RBL2: variants seen among roughly 807,000 people sequenced by gnomAD.
RBL2 encodes RB transcriptional corepressor like 2.
RBL2 carries 56 observed loss-of-function variants against 126.0 expected under a neutral mutation model. The observed-to-expected ratio is 0.44, with a 90% CI of 0.36 to 0.56. The LOEUF is 0.56. Among genes scored for constraint, RBL2 ranks in the 20% least tolerant of loss-of-function variants. RBL2 has a pLI of 0.00. For synonymous variants in RBL2, 454 were observed against 478.5 expected, an observed-to-expected ratio of 0.95 and a Z score of 0.67; for missense variants, 1,229 against 1,398.2, an observed-to-expected ratio of 0.88 and a Z score of 1.93.
At chr16:53,480,061 T>C (rs1442365793) in intron 19 of RBL2, 70 bp downstream of exon 19, 8 of 961,194 alleles carry the variant, frequency 8.3e-6, no homozygotes, top group Non-Finnish European at 1.3e-5. Context: ...CTTGAAGAAG[T>C]AACTAAGCAT....
chr16:53,465,507 GAAGAACAGAT>G lies in RBL2; in HGVS notation c.1769_1778del (p.Glu590AlafsTer2). 1 of 1,605,984 alleles carries G rather than the reference GAAGAACAGAT, an allele frequency of 6.2e-7. No homozygotes were observed. Among genetic ancestry groups the G allele is most frequent in the Non-Finnish European group, 8.5e-7 (1 of 1,176,484 alleles). On this transcript the variant is annotated frameshift_variant, in exon 13 of 22. Transcript: ENST00000262133. LOFTEE classifies it high-confidence loss of function. ...GGTGGTAAAACACCTTAATCAGATT[GAAGAACAGAT>G]CTTAGATCATTTGGCATGGAAACCA...
At chr16:53,443,793 A>T (rs954117023) in intron 3 of RBL2, among the ~76,000 whole-genome samples, 2 of 151,568 alleles carry the variant, frequency 1.3e-5, no homozygotes, top group African/African-American at 4.9e-5. Flanking sequence ...GGATGTTTAC[A>T]TTAAGTGTAA....
intron 4 of RBL2, chr16:53,449,401 A>G (rs1233370600): frequency 6.6e-6 from 1 of 151,942 alleles, no homozygotes; most frequent in Non-Finnish European, 1.5e-5. Context: ...TTTGACTTTT[A>G]TCTCATTAAT....
chr16:53,450,322 G>A (rs2058103309), intron 4 of RBL2, among the ~76,000 whole-genome samples: 1 of 152,116 alleles, frequency 6.6e-6, no homozygotes, highest in African/African-American at 2.4e-5. Context: ...CAGAGAGAAA[G>A]GGAAACCTGA....
At chr16:53,446,593 A>C (rs2058064303) in intron 3 of RBL2, among the ~76,000 whole-genome samples, 1 of 152,220 alleles carries the variant, frequency 6.6e-6, no homozygotes, top group African/African-American at 2.4e-5. Context: ...CTCATAATTT[A>C]CATTAAAAAG....
chr16:53,482,225 G>A lies in RBL2; in HGVS notation c.3249+390G>A, dbSNP rs76458345. 6.3e-3 allele frequency among the ~76,000 whole-genome samples: 962 copies of A among 152,316 alleles called. 14 individuals carry two copies. The highest frequency in any genetic ancestry group is 0.022 in the African/African-American group (922 of 41,574). On this transcript the variant is annotated intron_variant, in intron 21 of 21. Coordinates refer to ENST00000262133, the MANE Select transcript of RBL2 (RefSeq NM_005611.4). ...GTGTCCTCAGGACTCTGGCTAATGG[G>A]AGAAGTTGACATTTTTGACATTGCA...
At chr16:53,438,130 T>C (rs558930949) in intron 1 of RBL2, among the ~76,000 whole-genome samples, 3 of 152,352 alleles carry the variant, frequency 2.0e-5, no homozygotes, top group Admixed American at 2.0e-4. Context: ...CAATTTGTTT[T>C]GGTCACAGGT....
chr16:53,435,470 C>T (rs1385315427), intron 1 of RBL2: 7 of 784,590 alleles, frequency 8.9e-6, no homozygotes, highest in African/African-American at 1.8e-5. Context: ...GCACAGGACT[C>T]CTGTTGTTGT....
intron 13 of RBL2, 75 bp from the exon 14 acceptor site, chr16:53,466,983 C>T: frequency 1.0e-6 from 1 of 956,164 alleles, no homozygotes. Context: ...ACTTTTTCTG[C>T]CTTAGATTAC....
At chr16:53,463,920 C>T (rs757000695) in intron 11 of RBL2, among the ~76,000 whole-genome samples, 30 of 152,084 alleles carry the variant, frequency 2.0e-4, no homozygotes, top group Non-Finnish European at 3.8e-4. Flanking sequence ...AAACATCTTT[C>T]CCTGTCATTG....
chr16:53,443,189 G>C (rs2058031832), intron 3 of RBL2: 1 of 157,926 alleles, frequency 6.3e-6, no homozygotes, highest in Non-Finnish European at 1.4e-5. Context: ...GACTGTACAA[G>C]TCAGACTTAG....
intron 8 of RBL2, among the ~76,000 whole-genome samples, chr16:53,457,538 C>T (rs1442090949): frequency 6.6e-6 from 1 of 151,660 alleles, no homozygotes; most frequent in African/African-American, 2.4e-5. Context: ...GGATTATAGG[C>T]GTGAGCCACC....
intron 1 of RBL2, chr16:53,435,464 A>G (rs528227448): frequency 1.9e-6 from 1 of 530,500 alleles, no homozygotes; most frequent in African/African-American, 2.1e-5. Flanking sequence ...GGCATTGCAC[A>G]GGACTCCTGT....
chr16:53,449,588 A>AT (rs2058094176), intron 4 of RBL2: 1 of 127,186 alleles, frequency 7.9e-6, no homozygotes, highest in Non-Finnish European at 1.5e-5. Context: ...CGTGTCTCGA[A>AT]AAAAAAAAAA....
Position 53,434,540 on chromosome 16 carries a change from C to A in RBL2, c.-17C>A. 7.0e-7 allele frequency: 1 copy of A among 1,434,784 alleles called. No homozygotes were observed. 88.9% of individuals were successfully genotyped at this position (1,434,784 alleles called of 1,614,324 possible). The stretch of plus-strand genomic sequence containing the variant: ...GGCCCTCACCTCACCTGAGGTCCGG[C>A]CGCCCAGGGGTGCGCTATGCCGTCG... On this transcript the variant is annotated 5_prime_UTR_variant, in exon 1 of 22. Transcript: ENST00000262133.
chr16:53,481,581 T>G, intron 20 of RBL2, 90 bp from the exon 21 acceptor site: 2 of 1,197,370 alleles, frequency 1.7e-6, no homozygotes, highest in South Asian at 3.3e-5. Flanking sequence ...AAACTACTGG[T>G]TTAGCACACC....
intron 17 of RBL2, among the ~76,000 whole-genome samples, chr16:53,474,326 T>A (rs2150818295): frequency 7.0e-6 from 1 of 142,142 alleles, no homozygotes; most frequent in South Asian, 2.4e-4. Context: ...TATTTATTTA[T>A]TTATTTTGAG....
At chr16:53,437,290 G>T (rs2057968000) in intron 1 of RBL2, among the ~76,000 whole-genome samples, 1 of 149,960 alleles carries the variant, frequency 6.7e-6, no homozygotes, top group Non-Finnish European at 1.5e-5. Context: ...AGATATATGT[G>T]ATACACAGAT....
At chr16:53,460,692 A>G (rs1257318320) in intron 9 of RBL2, among the ~76,000 whole-genome samples, 1 of 152,160 alleles carries the variant, frequency 6.6e-6, no homozygotes, top group African/African-American at 2.4e-5. Flanking sequence ...ATTTTTGTTG[A>G]AAGGTATGTG....
Sources: allele counts gnomAD v4.1 joint callset (sites outside exome capture counted in the v4.1 genomes callset), GRCh38; gene constraint gnomAD v4.1.1; transcripts MANE v1.5; gene names NCBI Gene and HGNC (gene_info 2026-07-23, HGNC 2026-07-21).